Variants in SRSF11 observed in about 807,000 individuals in gnomAD.
SRSF11 encodes serine and arginine rich splicing factor 11.
Under a neutral mutation model 56.0 loss-of-function variants are expected in SRSF11, and 9 were observed. The observed-to-expected ratio is 0.16, with a 90% CI of 0.10 to 0.28. The LOEUF is 0.28. Ranked by LOEUF, SRSF11 falls within the 10% of genes least tolerant of loss-of-function variation. The probability of loss-of-function intolerance (pLI) is 1.00; values close to 1 mark genes in which losing one functional copy is unlikely to be tolerated. For missense variants in SRSF11, 421 were observed against 600.7 expected, an observed-to-expected ratio of 0.70 and a Z score of 3.13; for synonymous variants, 222 against 215.3, an observed-to-expected ratio of 1.03 and a Z score of -0.27.
At chr1:70,216,925 ACTT>A (rs1263655693), upstream of SRSF11, among the ~76,000 whole-genome samples, 4 of 152,106 alleles carry the variant, frequency 2.6e-5, no homozygotes, top group Non-Finnish European at 5.9e-5. Flanking sequence ...CAAAGAGTGG[ACTT>A]CTTTTCTTGA....
At chr1:70,234,412 A>G (rs1016800933) in intron 3 of SRSF11, among the ~76,000 whole-genome samples, 3 of 152,150 alleles carry the variant, frequency 2.0e-5, no homozygotes, top group African/African-American at 7.2e-5. Context: ...TAGGGGGGAA[A>G]TGTGTTGTAA....
chr1:70,248,372 G>C (rs1398964228), intron 9 of SRSF11: 2 of 151,966 alleles, frequency 1.3e-5, no homozygotes, highest in Non-Finnish European at 2.9e-5. Context: ...TCCATGAAAG[G>C]CCGTGTATTG....
At chr1:70,226,106 G>A (rs1458562741) in intron 1 of SRSF11, among the ~76,000 whole-genome samples, 16 of 151,768 alleles carry the variant, frequency 1.1e-4, no homozygotes, top group African/African-American at 3.9e-4. Context: ...CAGGAGAATC[G>A]CTTGAACCTG....
intron 2 of SRSF11, chr1:70,229,972 CCAT>C (rs1672548976): frequency 2.0e-6 from 2 of 985,126 alleles, no homozygotes; most frequent in Non-Finnish European, 2.4e-6. Context: ...TAGGATAAGA[CCAT>C]CAACAGAAAA....
chr1:70,231,442 A>T (rs776985423), intron 2 of SRSF11: 27 of 1,045,584 alleles, frequency 2.6e-5, no homozygotes, highest in Non-Finnish European at 3.1e-5. Context: ...TTAAAAACAG[A>T]TATATATGTC....
At chr1:70,242,472 C>CTTTTTTTTTTTTTTTT (rs377434872) in intron 7 of SRSF11, among the ~76,000 whole-genome samples, 146 of 139,362 alleles carry the variant, frequency 1.0e-3, no homozygotes, top group African/African-American at 3.8e-3. Flanking sequence ...ATTTTTGCAC[C>CTTTTTTTTTTTTTTTT]TTTTTTTTTT....
At chr1:70,240,038 CTAAT>C (rs1307482166) in intron 7 of SRSF11, among the ~76,000 whole-genome samples, 1 of 152,150 alleles carries the variant, frequency 6.6e-6, no homozygotes, top group Non-Finnish European at 1.5e-5. Context: ...ATACCCAAGT[CTAAT>C]TAATCATAGT....
intron 1 of SRSF11, among the ~76,000 whole-genome samples, chr1:70,225,470 T>A (rs1182930369): frequency 2.6e-5 from 4 of 152,174 alleles, no homozygotes; most frequent in Non-Finnish European, 5.9e-5. Flanking sequence ...TTGGCGATAC[T>A]TTTATTTATG....
chr1:70,248,702 G>T (rs899926457), intron 9 of SRSF11: 1 of 151,936 alleles, frequency 6.6e-6, no homozygotes, highest in African/African-American at 2.4e-5. Flanking sequence ...TAATGTACTT[G>T]TAAGTGCCTT....
chr1:70,235,707 T>C (rs539932810), intron 5 of SRSF11, among the ~76,000 whole-genome samples, 157 bp downstream of exon 5: 4 of 152,302 alleles, frequency 2.6e-5, no homozygotes, highest in African/African-American at 9.6e-5. Context: ...AATACAGAAG[T>C]AAGTAAGGTC....
intron 1 of SRSF11, among the ~76,000 whole-genome samples, chr1:70,227,426 C>A (rs575942611): frequency 6.6e-6 from 1 of 152,256 alleles, no homozygotes; most frequent in South Asian, 2.1e-4. Context: ...GGAGAAAGAA[C>A]TCAAACTTCA....
At chr1:70,226,870 C>T (rs1434239926) in intron 1 of SRSF11, among the ~76,000 whole-genome samples, 1 of 152,218 alleles carries the variant, frequency 6.6e-6, no homozygotes, top group African/African-American at 2.4e-5. Flanking sequence ...ATTCTTTTTA[C>T]TACTGCGGGT....
chr1:70,229,187 A>G, intron 2 of SRSF11: 1 of 1,286,850 alleles, frequency 7.8e-7, no homozygotes, highest in Non-Finnish European at 1.0e-6. Flanking sequence ...TCTCTCTGTT[A>G]TTTGTGTGTG....
intron 7 of SRSF11, among the ~76,000 whole-genome samples, chr1:70,242,969 T>A (rs1299229890): frequency 1.3e-5 from 2 of 152,080 alleles, no homozygotes; most frequent in Non-Finnish European, 2.9e-5. Context: ...GATGTGGAGA[T>A]GTTATTGCAA....
upstream of SRSF11, chr1:70,218,592 A>G (rs1247445082): frequency 6.6e-6 from 1 of 152,252 alleles, no homozygotes; most frequent in African/African-American, 2.4e-5. Context: ...CCCATCACAG[A>G]GAATAAATAA....
chr1:70,208,465 C>T (rs749373044), intron 1 of SRSF11, among the ~76,000 whole-genome samples: 94 of 152,142 alleles, frequency 6.2e-4, no homozygotes, highest in Admixed American at 2.1e-3. Flanking sequence ...TCCCAAGAAG[C>T]TGGCATTACA....
chr1:70,242,052 C>A (rs1300210462), intron 7 of SRSF11, among the ~76,000 whole-genome samples: 1 of 151,954 alleles, frequency 6.6e-6, no homozygotes, highest in Non-Finnish European at 1.5e-5. Context: ...AGCTGTAATC[C>A]CAGCTACTCA....
intron 3 of SRSF11, among the ~76,000 whole-genome samples, chr1:70,233,254 T>G (rs543560795): frequency 2.6e-5 from 4 of 152,292 alleles, no homozygotes; most frequent in South Asian, 2.1e-4. Context: ...TGTTTTTGTT[T>G]TTTTGAGATG....
Position 70,251,584 on chromosome 1 carries a change from C to CT in SRSF11, c.*780dup, listed in dbSNP as rs1440479043. 4.6e-5 allele frequency: 7 copies of CT among 152,320 alleles called. No individual in the cohort carries two copies. The highest frequency in any genetic ancestry group is 1.7e-4 in the African/African-American group (7 of 41,406). The allele number at this position is 152,320 out of a possible 1,614,324, so 9.4% of individuals were successfully genotyped here. ...CCACATCTACATCAGTGAAAGCTAT[C>CT]TACCTATCCTGAGTCTATCTTAAAG... On this transcript the variant is annotated 3_prime_UTR_variant, in exon 12 of 12. Transcript: ENST00000370949.
Sources: gnomAD v4.1 joint callset for allele counts (sites outside exome capture counted in the v4.1 genomes callset) on GRCh38, gnomAD v4.1.1 for gene constraint, MANE v1.5 for transcripts, NCBI Gene and HGNC (gene_info 2026-07-23, HGNC 2026-07-21) for gene names.